CAPN2: variants seen among roughly 807,000 people sequenced by gnomAD.
CAPN2 encodes calpain 2, also known as calpain-2 catalytic subunit.
Under a neutral mutation model 102.3 loss-of-function variants are expected in CAPN2, and 92 were observed. That is an observed-to-expected ratio of 0.90 (90% CI 0.76 to 1.07). The LOEUF is 1.07. Among genes scored for constraint, CAPN2 ranks in the 50% least tolerant of loss-of-function variants. CAPN2 has a pLI of 0.00. For synonymous variants in CAPN2, 340 were observed against 355.4 expected (o/e 0.96, Z 0.49); for missense variants, 800 against 909.4 (o/e 0.88, Z 1.55).
At position 223,749,103 on chromosome 1, in the gene CAPN2, C is replaced by CG; in HGVS notation, c.796dup (p.Val266GlyfsTer8). 1 of 1,614,068 alleles carries CG rather than the reference C, an allele frequency of 6.2e-7. No homozygotes were observed. Among genetic ancestry groups the CG allele is most frequent in the South Asian group, 1.1e-5 (1 of 91,088 alleles). On this transcript the variant is annotated frameshift_variant, in exon 6 of 21. Coordinates refer to ENST00000295006, the MANE Select transcript of CAPN2 (RefSeq NM_001748.5). LOFTEE classifies it high-confidence loss of function. ...AAGCTGGTGAAGGGGCACGCGTACT[C>CG]GGTCACCGGAGCCGAGGAGGTAACG... is the stretch of plus-strand genomic sequence containing the variant.
At position 223,750,972 on chromosome 1, in the gene CAPN2, A is replaced by G; in HGVS notation, c.896A>G (p.Asp299Gly). Residue 299 changes from aspartate (D) to glycine (G), a missense_variant, in exon 7 of 21, where the codon GAC becomes GGC. Coordinates refer to ENST00000295006, the MANE Select transcript of CAPN2 (RefSeq NM_001748.5). ...GTGGAGTGGACAGGGCGGTGGAATG[A>G]CAAGTGAGGAGGGCGCAGGCCTCGG... ...GEVEWTGRWN[D>G]NCPSWNTIDP... 6.4e-7 allele frequency: 1 copy of G among 1,551,894 alleles called. No individual in the cohort carries two copies. The highest frequency in any genetic ancestry group is 8.7e-7 in the Non-Finnish European group (1 of 1,147,064).
At chr1:223,720,202 GTTT>G (rs1660013896) in intron 2 of CAPN2, among the ~76,000 whole-genome samples, 1 of 151,894 alleles carries the variant, frequency 6.6e-6, no homozygotes, top group East Asian at 1.9e-4. Flanking sequence ...CCCCCTATGA[GTTT>G]GTATTCAGCT....
chr1:223,761,137 G>A (rs1261996068), intron 12 of CAPN2, among the ~76,000 whole-genome samples: 3 of 152,240 alleles, frequency 2.0e-5, no homozygotes, highest in African/African-American at 4.8e-5. Context: ...GAAAGTCTAT[G>A]TTGGCAAAGG....
intron 2 of CAPN2, among the ~76,000 whole-genome samples, chr1:223,733,692 G>A (rs1254595810): frequency 2.0e-5 from 3 of 152,148 alleles, no homozygotes; most frequent in East Asian, 1.9e-4. Context: ...TGTGCTTAAC[G>A]ATTCAAAAAC....
Position 223,759,126 on chromosome 1 carries a change from A to T in CAPN2, c.1318-144A>T. 1 of 738,964 alleles carries T rather than the reference A, an allele frequency of 1.4e-6. No individual in the cohort carries two copies. The highest frequency in any genetic ancestry group is 2.4e-6 in the Non-Finnish European group (1 of 422,044). 45.8% of individuals were successfully genotyped at this position (738,964 alleles called of 1,614,324 possible). A position where few individuals can be genotyped will look rare whatever the true frequency, so the allele number is the denominator to read the frequency against. ...CCTGTGTTGCCCAGGCTGGTTTCTG[A>T]CGCCTGGCCTCGCCTCCTTATACAC... On this transcript the variant is annotated intron_variant, in intron 11 of 20. Transcript: ENST00000295006. The surrounding 1 kb of genome is among the most constrained non-coding windows in gnomAD (Gnocchi z 4.6).
chr1:223,713,422 C>T (rs1659793296), intron 1 of CAPN2, among the ~76,000 whole-genome samples: 1 of 152,126 alleles, frequency 6.6e-6, no homozygotes, highest in Non-Finnish European at 1.5e-5. Flanking sequence ...CCAGCGATAC[C>T]TCCTCATAAC....
chr1:223,711,529 A>G (rs968219620), upstream of CAPN2, among the ~76,000 whole-genome samples: 3 of 152,272 alleles, frequency 2.0e-5, no homozygotes, highest in African/African-American at 7.2e-5. Context: ...TGGGCCCTAC[A>G]TATACTTTAA....
At chr1:223,745,547 G>T in intron 4 of CAPN2, 108 bp downstream of exon 4, 2 of 1,284,566 alleles carry the variant, frequency 1.6e-6, no homozygotes, top group Non-Finnish European at 1.1e-6. Context: ...GAGGTGGGTG[G>T]ATCATTTGAG....
chr1:223,750,139 G>A (rs771331880), intron 6 of CAPN2, among the ~76,000 whole-genome samples: 2 of 151,916 alleles, frequency 1.3e-5, no homozygotes, highest in African/African-American at 2.4e-5. Flanking sequence ...ACACACACAC[G>A]TCTTTTTATT....
intron 2 of CAPN2, among the ~76,000 whole-genome samples, chr1:223,728,755 G>A (rs2102783522): frequency 6.6e-6 from 1 of 152,262 alleles, no homozygotes; most frequent in East Asian, 1.9e-4. Context: ...ACTTCCCAAG[G>A]TACACAGTAG....
rs1277998430 is a variant in CAPN2 at position 223,755,247 on chromosome 1, A to G, written c.1136-233A>G. On this transcript the variant is annotated intron_variant, in intron 9 of 20. Transcript: ENST00000295006. The surrounding 1 kb of genome is among the most constrained non-coding windows in gnomAD (Gnocchi z 4.1). ...CACAGCCTCCCACCGCCTCTTGCCA[A>G]CTCCCACCATCTCCCGCCATTTTCT... 6.8e-6 allele frequency among the ~76,000 whole-genome samples: 1 copy of G among 146,328 alleles called. No homozygotes were observed. The highest frequency in any genetic ancestry group is 2.5e-5 in the African/African-American group (1 of 39,372).
intron 2 of CAPN2, among the ~76,000 whole-genome samples, chr1:223,741,429 ATATATAATGTG>A (rs1192418201): frequency 0.017 from 1,320 of 79,076 alleles, 76 homozygotes; most frequent in African/African-American, 0.12. Flanking sequence ...ATGTATATAT[ATATATAATGTG>A]TATATATATA....
chr1:223,743,085 G>A (rs1460410367), intron 2 of CAPN2, among the ~76,000 whole-genome samples: 3 of 152,156 alleles, frequency 2.0e-5, no homozygotes, highest in African/African-American at 7.2e-5. Context: ...TGATTGTGGT[G>A]CCTGCTGTGC....
intron 2 of CAPN2, among the ~76,000 whole-genome samples, chr1:223,743,629 T>C (rs1033030784): frequency 6.6e-6 from 1 of 152,092 alleles, no homozygotes; most frequent in Admixed American, 6.5e-5. Context: ...GTATTCGTAT[T>C]ATAGCTGGGA....
At chr1:223,769,267 C>T (rs530423300) in intron 16 of CAPN2, among the ~76,000 whole-genome samples, 51 of 152,084 alleles carry the variant, frequency 3.4e-4, no homozygotes, top group South Asian at 6.2e-4. Flanking sequence ...ACTACAGGTG[C>T]GCGCCACCAT....
chr1:223,762,808 G>T (rs1661220438), intron 14 of CAPN2, among the ~76,000 whole-genome samples: 1 of 152,046 alleles, frequency 6.6e-6, no homozygotes, highest in African/African-American at 2.4e-5. Context: ...AGTCTCCCAA[G>T]TAGCTGGGAC....
chr1:223,746,453 G>A (rs956769995), intron 4 of CAPN2, among the ~76,000 whole-genome samples: 7 of 140,592 alleles, frequency 5.0e-5, no homozygotes, highest in East Asian at 2.1e-4. Context: ...AGGTCCTTCC[G>A]ACTCTAAGGT....
chr1:223,715,016 A>G (rs1659838961), intron 1 of CAPN2, among the ~76,000 whole-genome samples: 1 of 152,196 alleles, frequency 6.6e-6, no homozygotes, highest in Non-Finnish European at 1.5e-5. Context: ...GGGAAGGTTA[A>G]ATACTTGCTC....
intron 14 of CAPN2, 67 bp downstream of exon 14, chr1:223,762,318 C>T (rs2102811417): frequency 7.8e-7 from 1 of 1,275,810 alleles, no homozygotes; most frequent in East Asian, 2.3e-5. Context: ...TGTGTGTCCC[C>T]AAGGGGACTT....
Sources: allele counts gnomAD v4.1 joint callset (sites outside exome capture counted in the v4.1 genomes callset), GRCh38; gene constraint gnomAD v4.1.1; non-coding constraint Gnocchi (gnomAD v3.1); transcripts MANE v1.5; gene names NCBI Gene and HGNC (gene_info 2026-07-23, HGNC 2026-07-21).